The following HSD17B12 variants were observed in gnomAD, a reference collection of about 807,000 sequenced individuals.
HSD17B12 encodes the protein hydroxysteroid 17-beta dehydrogenase 12.
A neutral mutation model predicts 39.3 loss-of-function variants in HSD17B12; 32 were observed. The observed-to-expected ratio is 0.81, with a 90% CI of 0.61 to 1.09. HSD17B12 has a LOEUF of 1.09. HSD17B12 is among the 50% of genes least tolerant of loss of function. The probability of loss-of-function intolerance (pLI) is 0.00; values close to 1 mark genes in which losing one functional copy is unlikely to be tolerated. For synonymous variants in HSD17B12, 150 were observed against 146.7 expected, an observed-to-expected ratio of 1.02 and a Z score of -0.16; for missense variants, 342 against 382.9, an observed-to-expected ratio of 0.89 and a Z score of 0.89.
chr11:43,583,314 G>T, the HSD17B12 span, among the ~76,000 whole-genome samples: 1 of 152,232 alleles, frequency 6.6e-6, no homozygotes, highest in African/African-American at 2.4e-5. Context: ...CGAACCCGGC[G>T]TCGTGCGGCA....
intron 1 of HSD17B12, among the ~76,000 whole-genome samples, chr11:43,740,297 C>T (rs972356437): frequency 6.6e-6 from 1 of 152,028 alleles, no homozygotes; most frequent in Non-Finnish European, 1.5e-5. Context: ...GTGAGAATTA[C>T]CTGGATGATA....
intron 1 of HSD17B12, among the ~76,000 whole-genome samples, chr11:43,743,800 C>A (rs903952091): frequency 1.3e-5 from 2 of 152,092 alleles, no homozygotes; most frequent in African/African-American, 2.4e-5. Flanking sequence ...GAACTCTAAT[C>A]GATATTTTAA....
chr11:43,620,928 G>A, the HSD17B12 span, among the ~76,000 whole-genome samples: 2 of 152,308 alleles, frequency 1.3e-5, no homozygotes, highest in Admixed American at 1.3e-4. Context: ...CACTTGTAGG[G>A]TATAAGAGGA....
At chr11:43,723,439 A>G (rs1198096573) in intron 1 of HSD17B12, among the ~76,000 whole-genome samples, 1 of 152,200 alleles carries the variant, frequency 6.6e-6, no homozygotes. Context: ...TTTTATTTTT[A>G]AATTCCTATT....
the HSD17B12 span, among the ~76,000 whole-genome samples, chr11:43,571,719 G>C: frequency 2.0e-5 from 3 of 152,296 alleles, no homozygotes; most frequent in East Asian, 5.8e-4. Context: ...AAAAAAAAGG[G>C]GGAAGGGGTG....
intron 3 of HSD17B12, among the ~76,000 whole-genome samples, chr11:43,774,629 A>C (rs1265675323): frequency 6.6e-6 from 1 of 152,224 alleles, no homozygotes; most frequent in Non-Finnish European, 1.5e-5. Context: ...TTCTATAACA[A>C]TTAAATGTGC....
intron 9 of HSD17B12, 72 bp from the exon 10 acceptor site, chr11:43,854,638 AAGCAC>A: frequency 6.7e-7 from 1 of 1,488,664 alleles, no homozygotes; most frequent in Non-Finnish European, 9.3e-7. Flanking sequence ...AAGAGCAGTC[AAGCAC>A]CACTGTACAT....
At chr11:43,676,593 A>G (rs1442030383), upstream of HSD17B12, among the ~76,000 whole-genome samples, 1 of 152,188 alleles carries the variant, frequency 6.6e-6, no homozygotes, top group Non-Finnish European at 1.5e-5. Context: ...AGAATTGCCC[A>G]TTTGCTCACT....
the HSD17B12 span, among the ~76,000 whole-genome samples, chr11:43,604,729 A>G: frequency 1.3e-5 from 2 of 152,182 alleles, no homozygotes. Flanking sequence ...TAAGAACTTG[A>G]ACTTGCTGTT....
chr11:43,754,798 A>T (rs1950495121), intron 3 of HSD17B12: 8 of 731,016 alleles, frequency 1.1e-5, no homozygotes, highest in African/African-American at 1.7e-5. Context: ...AATGTATAAC[A>T]CATATGTGTT....
At chr11:43,703,404 C>A (rs1275096651) in intron 1 of HSD17B12, among the ~76,000 whole-genome samples, 1 of 152,164 alleles carries the variant, frequency 6.6e-6, no homozygotes, top group East Asian at 1.9e-4. Context: ...CCGTTTTAGC[C>A]GGGATGGTCT....
At chr11:43,630,802 T>G in the HSD17B12 span, among the ~76,000 whole-genome samples, 1 of 146,210 alleles carries the variant, frequency 6.8e-6, no homozygotes, top group Non-Finnish European at 1.5e-5. Context: ...AATTTTTTTC[T>G]TTCTTTTTTT....
intron 3 of HSD17B12, among the ~76,000 whole-genome samples, chr11:43,796,608 A>G (rs1187229783): frequency 6.6e-6 from 1 of 152,208 alleles, no homozygotes; most frequent in Non-Finnish European, 1.5e-5. Flanking sequence ...TATCTATACA[A>G]AACTCTACAA....
intron 9 of HSD17B12, among the ~76,000 whole-genome samples, chr11:43,845,058 A>G (rs951907081): frequency 5.3e-5 from 8 of 152,174 alleles, no homozygotes; most frequent in African/African-American, 1.9e-4. Context: ...TAGTGGAGCT[A>G]TCATGGCTCA....
intron 1 of HSD17B12, among the ~76,000 whole-genome samples, chr11:43,687,774 A>G (rs1429612737): frequency 6.6e-6 from 1 of 152,210 alleles, no homozygotes; most frequent in East Asian, 1.9e-4. Flanking sequence ...GAAGGGTAAC[A>G]CTGTTGTGTT....
the HSD17B12 span, among the ~76,000 whole-genome samples, chr11:43,584,248 GT>G: frequency 6.6e-6 from 1 of 152,146 alleles, no homozygotes; most frequent in African/African-American, 2.4e-5. Flanking sequence ...CCTGTCTCAG[GT>G]TGGAGGCAAA....
the HSD17B12 span, among the ~76,000 whole-genome samples, chr11:43,566,750 G>A: frequency 6.6e-6 from 1 of 152,100 alleles, no homozygotes; most frequent in Non-Finnish European, 1.5e-5. Context: ...GGCTGGTCTC[G>A]AACTCCTGAC....
intron 6 of HSD17B12, among the ~76,000 whole-genome samples, chr11:43,817,893 A>G (rs1314690020): frequency 6.6e-6 from 1 of 151,846 alleles, no homozygotes; most frequent in East Asian, 1.9e-4. Flanking sequence ...TGGCGGTGGT[A>G]TTTTGATGGG....
At chr11:43,851,832 C>T (rs1951534511) in intron 9 of HSD17B12, among the ~76,000 whole-genome samples, 1 of 152,122 alleles carries the variant, frequency 6.6e-6, no homozygotes, top group African/African-American at 2.4e-5. Flanking sequence ...GTTTTCTGTA[C>T]CGTTTTGCCT....
Sources: allele counts gnomAD v4.1 joint callset (sites outside exome capture counted in the v4.1 genomes callset), GRCh38; gene constraint gnomAD v4.1.1; transcripts MANE v1.5; gene names NCBI Gene and HGNC (gene_info 2026-07-23, HGNC 2026-07-21).